Variants in GALNT13 observed in about 807,000 individuals in gnomAD.
GALNT13 encodes the protein UDP-GalNAc:polypeptide N-acetylgalactosaminyltransferase 13.
Under a neutral mutation model 64.2 loss-of-function variants are expected in GALNT13, and 28 were observed. The ratio of observed to expected loss-of-function variants is 0.44; its 90% CI spans 0.32 to 0.60. The LOEUF (loss-of-function observed/expected upper bound fraction) is 0.60, where lower values mean the gene tolerates loss of function less well. GALNT13 is among the 20% of genes least tolerant of loss of function. GALNT13 has a pLI of 0.05. For synonymous variants in GALNT13, 214 were observed against 224.6 expected (o/e 0.95, Z 0.42); for missense variants, 577 against 669.8 (o/e 0.86, Z 1.53).
At chr2:154,132,388 C>CT (rs778635092) in intron 3 of GALNT13, among the ~76,000 whole-genome samples, 355 of 150,944 alleles carry the variant, frequency 2.4e-3, no homozygotes, top group Non-Finnish European at 3.9e-3. Context: ...TTTTATAATC[C>CT]TTTTTTTTTA....
At chr2:153,943,162 T>G (rs1467911593) in intron 2 of GALNT13, among the ~76,000 whole-genome samples, 2 of 152,206 alleles carry the variant, frequency 1.3e-5, no homozygotes, top group South Asian at 4.1e-4. Context: ...AAATGCTCAA[T>G]GTAGTATAAA....
the GALNT13 span, among the ~76,000 whole-genome samples, chr2:153,238,903 A>T: frequency 3.9e-5 from 6 of 151,942 alleles, no homozygotes; most frequent in Non-Finnish European, 7.4e-5. Context: ...TTTGACAGGG[A>T]TTGTGTTGAA....
At chr2:154,182,249 T>G (rs946568967) in intron 4 of GALNT13, among the ~76,000 whole-genome samples, 3 of 152,212 alleles carry the variant, frequency 2.0e-5, no homozygotes, top group Admixed American at 2.0e-4. Flanking sequence ...TGTTAATCAT[T>G]TGACTACTAA....
the GALNT13 span, among the ~76,000 whole-genome samples, chr2:153,437,988 G>A: frequency 1.3e-5 from 2 of 152,178 alleles, no homozygotes; most frequent in East Asian, 1.9e-4. Context: ...CATGTTTAGT[G>A]CTTCCTTCAG....
chr2:153,219,568 T>A, the GALNT13 span, among the ~76,000 whole-genome samples: 1 of 152,216 alleles, frequency 6.6e-6, no homozygotes, highest in African/African-American at 2.4e-5. Flanking sequence ...TTTTCCAATT[T>A]TATACCACTT....
the GALNT13 span, among the ~76,000 whole-genome samples, chr2:153,596,172 T>TA: frequency 1.3e-5 from 2 of 152,180 alleles, no homozygotes; most frequent in Non-Finnish European, 2.9e-5. Context: ...CTTCTCACAG[T>TA]ATGGTGATTG....
At chr2:154,431,795 C>A (rs1045013309) in intron 11 of GALNT13, among the ~76,000 whole-genome samples, 3 of 152,080 alleles carry the variant, frequency 2.0e-5, no homozygotes, top group Non-Finnish European at 2.9e-5. Flanking sequence ...ATAAGTCTCA[C>A]GAGAGCTGAT....
the GALNT13 span, among the ~76,000 whole-genome samples, chr2:153,329,757 C>G: frequency 1.1e-3 from 164 of 152,256 alleles, 2 homozygotes; most frequent in Non-Finnish European, 5.9e-4. Flanking sequence ...GTTTATATTG[C>G]TGTGAAGAAG....
chr2:153,271,066 AC>A, the GALNT13 span, among the ~76,000 whole-genome samples: 1 of 151,878 alleles, frequency 6.6e-6, no homozygotes, highest in East Asian at 1.9e-4. Context: ...AAAATTCAAC[AC>A]CCCTTCATGC....
At chr2:153,388,245 A>G in the GALNT13 span, among the ~76,000 whole-genome samples, 3 of 152,116 alleles carry the variant, frequency 2.0e-5, no homozygotes, top group East Asian at 3.9e-4. Flanking sequence ...TAACTCATTA[A>G]TCCAGACAAA....
At chr2:153,210,068 A>G in the GALNT13 span, among the ~76,000 whole-genome samples, 8 of 152,146 alleles carry the variant, frequency 5.3e-5, no homozygotes, top group Non-Finnish European at 1.0e-4. Context: ...ACTCACTGGT[A>G]GCTTGTTTGT....
intron 9 of GALNT13, among the ~76,000 whole-genome samples, chr2:154,372,287 G>T (rs2105313069): frequency 6.6e-6 from 1 of 152,170 alleles, no homozygotes; most frequent in Admixed American, 6.5e-5. Context: ...AATAGAATTT[G>T]CTCAGGGTTG....
At chr2:153,714,980 T>C in the GALNT13 span, among the ~76,000 whole-genome samples, 8 of 152,198 alleles carry the variant, frequency 5.3e-5, no homozygotes, top group African/African-American at 1.7e-4. Flanking sequence ...ACAATCTTTT[T>C]CTTTAGTTTA....
chr2:153,902,836 G>C (rs761735628), intron 2 of GALNT13, among the ~76,000 whole-genome samples: 1 of 152,030 alleles, frequency 6.6e-6, no homozygotes, highest in Non-Finnish European at 1.5e-5. Flanking sequence ...TAAGCAAATT[G>C]TCCCAGGTCA....
the GALNT13 span, among the ~76,000 whole-genome samples, chr2:153,286,477 A>G: frequency 7.0e-3 from 1,061 of 152,286 alleles, 16 homozygotes; most frequent in African/African-American, 0.024. Context: ...ACAATAATTC[A>G]TTTAGAATAT....
the GALNT13 span, among the ~76,000 whole-genome samples, chr2:153,242,407 G>T: frequency 6.6e-6 from 1 of 152,178 alleles, no homozygotes; most frequent in South Asian, 2.1e-4. Context: ...GGAAGGGAAA[G>T]GGGAAGGAAA....
At chr2:153,358,147 T>C in the GALNT13 span, among the ~76,000 whole-genome samples, 1 of 152,236 alleles carries the variant, frequency 6.6e-6, no homozygotes, top group African/African-American at 2.4e-5. Flanking sequence ...ATTGCATCTT[T>C]GCATTTCATC....
intron 4 of GALNT13, among the ~76,000 whole-genome samples, chr2:154,214,331 T>C (rs1458861535): frequency 6.6e-6 from 1 of 152,200 alleles, no homozygotes; most frequent in African/African-American, 2.4e-5. Context: ...ATTTATTACA[T>C]GTTATATTAA....
At chr2:153,355,315 A>T in the GALNT13 span, among the ~76,000 whole-genome samples, 4 of 152,194 alleles carry the variant, frequency 2.6e-5, no homozygotes, top group Non-Finnish European at 4.4e-5. Context: ...AGATGTTATG[A>T]ATAAATGTAT....
Sources: gnomAD v4.1 joint callset for allele counts (sites outside exome capture counted in the v4.1 genomes callset) on GRCh38, gnomAD v4.1.1 for gene constraint, MANE v1.5 for transcripts, NCBI Gene and HGNC (gene_info 2026-07-23, HGNC 2026-07-21) for gene names.